Variants in SLC9A2 observed in about 807,000 individuals in gnomAD.
The protein encoded by SLC9A2 is solute carrier family 9 member A2.
A neutral mutation model predicts 71.7 loss-of-function variants in SLC9A2; 42 were observed. That is an observed-to-expected ratio of 0.59 (90% CI 0.46 to 0.76). SLC9A2 has a LOEUF of 0.76. Ranked by LOEUF, SLC9A2 falls within the 30% of genes least tolerant of loss-of-function variation. The pLI, the probability that SLC9A2 is intolerant of heterozygous loss-of-function variation, is 0.00. For synonymous variants in SLC9A2, 396 were observed against 392.5 expected (o/e 1.01, Z -0.10); for missense variants, 829 against 1,017.4 (o/e 0.81, Z 2.52).
intron 1 of SLC9A2, among the ~76,000 whole-genome samples, chr2:102,632,849 G>A (rs1380672604): frequency 6.6e-6 from 1 of 152,152 alleles, no homozygotes; most frequent in South Asian, 2.1e-4. Flanking sequence ...GAAGGATAAA[G>A]GTTTTGCTAT....
chr2:102,694,548 T>C (rs759767227), intron 6 of SLC9A2, 45 bp downstream of exon 6: 1 of 989,554 alleles, frequency 1.0e-6, no homozygotes, highest in Non-Finnish European at 1.5e-6. Context: ...AAAGGAAAAA[T>C]ATTTGAATCA....
At chr2:102,633,163 A>G (rs1185298484) in intron 1 of SLC9A2, among the ~76,000 whole-genome samples, 1 of 152,168 alleles carries the variant, frequency 6.6e-6, no homozygotes, top group Non-Finnish European at 1.5e-5. Flanking sequence ...TCATTGTCTT[A>G]TTTAATTCTC....
At chr2:102,654,955 A>G (rs1456298198) in intron 1 of SLC9A2, among the ~76,000 whole-genome samples, 1 of 152,216 alleles carries the variant, frequency 6.6e-6, no homozygotes, top group Non-Finnish European at 1.5e-5. Flanking sequence ...TAAAAGTGGT[A>G]TACCTGTATA....
intron 1 of SLC9A2, among the ~76,000 whole-genome samples, chr2:102,626,197 C>G (rs955583530): frequency 4.6e-5 from 7 of 152,186 alleles, no homozygotes; most frequent in African/African-American, 1.7e-4. Flanking sequence ...GTAACCAAAA[C>G]AGCATGGTAC....
In SLC9A2 at chr2:102,708,745, G is replaced by A. The variant is rs1408990109; in HGVS notation, c.*256G>A. On this transcript the variant is annotated 3_prime_UTR_variant, in exon 12 of 12. Coordinates refer to ENST00000233969, the MANE Select transcript of SLC9A2 (RefSeq NM_003048.6). Reference sequence around the variant, plus strand: ...ATTTGCTGGCCTGAAGAGAAAAAATGGTAATGTGTGCCTTTATTGAACTTG... The same window carrying A: ...ATTTGCTGGCCTGAAGAGAAAAAATAGTAATGTGTGCCTTTATTGAACTTG... 1.0e-5 allele frequency: 4 copies of A among 399,532 alleles called. No individual in the cohort carries two copies. The highest frequency in any genetic ancestry group is 4.2e-5 in the Admixed American group (1 of 23,986). The allele number at this position is 399,532 out of a possible 1,614,324, so 24.7% of individuals were successfully genotyped here.
intron 3 of SLC9A2, among the ~76,000 whole-genome samples, chr2:102,668,126 C>A (rs1677177731): frequency 6.6e-6 from 1 of 151,782 alleles, no homozygotes; most frequent in Admixed American, 6.6e-5. Flanking sequence ...TATAGTATAC[C>A]AAAATAATAA....
At chr2:102,690,556 C>A (rs1677639575) in intron 5 of SLC9A2, among the ~76,000 whole-genome samples, 1 of 152,032 alleles carries the variant, frequency 6.6e-6, no homozygotes, top group Non-Finnish European at 1.5e-5. Context: ...GAGGGGGAAA[C>A]CCTGATCAGC....
intron 8 of SLC9A2, 59 bp from the exon 9 acceptor site, chr2:102,702,347 A>G: frequency 1.1e-6 from 1 of 952,194 alleles, no homozygotes; most frequent in Non-Finnish European, 1.6e-6. Flanking sequence ...CTAAGGAAGA[A>G]AATCAATGAT....
chr2:102,661,061 G>A (rs1282032384), intron 2 of SLC9A2, among the ~76,000 whole-genome samples: 1 of 152,072 alleles, frequency 6.6e-6, no homozygotes, highest in Non-Finnish European at 1.5e-5. Context: ...TATTGTACAG[G>A]GCTGTAGTAG....
intron 1 of SLC9A2, among the ~76,000 whole-genome samples, chr2:102,638,223 T>C (rs12712165): frequency 0.44 from 67,642 of 152,092 alleles, 15,466 homozygotes; most frequent in East Asian, 0.68. Flanking sequence ...TTGCTTCTTG[T>C]CTTTATACCT....
intron 1 of SLC9A2, among the ~76,000 whole-genome samples, chr2:102,634,349 G>T (rs936812063): frequency 4.6e-5 from 7 of 152,184 alleles, no homozygotes; most frequent in African/African-American, 1.7e-4. Context: ...CAGCCCTGCT[G>T]CTTACTAGCT....
At chr2:102,660,224 G>A (rs531945164) in intron 2 of SLC9A2, among the ~76,000 whole-genome samples, 5 of 152,302 alleles carry the variant, frequency 3.3e-5, no homozygotes, top group East Asian at 1.9e-4. Flanking sequence ...GAAGGCAGGC[G>A]GCCAAAGTGA....
At chr2:102,659,482 C>G (rs188095480) in intron 2 of SLC9A2, among the ~76,000 whole-genome samples, 58 of 151,966 alleles carry the variant, frequency 3.8e-4, no homozygotes, top group African/African-American at 1.4e-3. Flanking sequence ...ACATAGAAAC[C>G]GATTTATTCT....
Position 102,620,398 on chromosome 2 carries a change from C to G in SLC9A2, c.289+261C>G, listed in dbSNP as rs141814596. On this transcript the variant is annotated intron_variant, in intron 1 of 11. Transcript: ENST00000233969. The stretch of plus-strand genomic sequence containing the variant: ...CTCAGCGATTGCTGCTTACTTCTGC[C>G]GCACGGAACGCCAAGTTTGTCAGCT... 4.3e-3 allele frequency among the ~76,000 whole-genome samples: 660 copies of G among 152,328 alleles called. 5 individuals carry two copies. The highest frequency in any genetic ancestry group is 0.015 in the African/African-American group (632 of 41,578).
intron 3 of SLC9A2, among the ~76,000 whole-genome samples, chr2:102,678,533 C>G (rs950362374): frequency 2.0e-5 from 3 of 152,144 alleles, no homozygotes. Flanking sequence ...GGGACAATGT[C>G]ATACTGATGA....
intron 1 of SLC9A2, among the ~76,000 whole-genome samples, chr2:102,624,923 A>C (rs1573394104): frequency 6.6e-6 from 1 of 152,138 alleles, no homozygotes; most frequent in Non-Finnish European, 1.5e-5. Context: ...AGAGACTTTG[A>C]TCTCTGAAAA....
At chr2:102,675,162 G>A (rs1045072588) in intron 3 of SLC9A2, among the ~76,000 whole-genome samples, 2 of 152,164 alleles carry the variant, frequency 1.3e-5, no homozygotes, top group African/African-American at 4.8e-5. Context: ...AAGTTAGCAA[G>A]GAAAGCTCAA....
At chr2:102,680,969 C>T (rs1677442554) in intron 3 of SLC9A2, among the ~76,000 whole-genome samples, 1 of 152,096 alleles carries the variant, frequency 6.6e-6, no homozygotes, top group African/African-American at 2.4e-5. Context: ...CTAGAGCCTC[C>T]AGAAGGAAAA....
chr2:102,680,899 C>G (rs59480049), intron 3 of SLC9A2, among the ~76,000 whole-genome samples: 8 of 151,942 alleles, frequency 5.3e-5, no homozygotes, highest in Non-Finnish European at 1.0e-4. Context: ...GGACGTGGCA[C>G]GAGCCAAGGA....
Sources: gnomAD v4.1 joint callset for allele counts (sites outside exome capture counted in the v4.1 genomes callset) on GRCh38, gnomAD v4.1.1 for gene constraint, MANE v1.5 for transcripts, NCBI Gene and HGNC (gene_info 2026-07-23, HGNC 2026-07-21) for gene names.